The following ATXN7L1 variants were observed in gnomAD, a reference collection of about 807,000 sequenced individuals.
The protein encoded by ATXN7L1 is ataxin 7 like 1.
ATXN7L1 carries 15 observed loss-of-function variants against 70.8 expected under a neutral mutation model. The observed-to-expected ratio is 0.21, with a 90% CI of 0.14 to 0.33. The LOEUF (loss-of-function observed/expected upper bound fraction) is 0.33. Among genes scored for constraint, ATXN7L1 ranks in the 10% least tolerant of loss-of-function variants. The pLI, the probability that ATXN7L1 is intolerant of heterozygous loss-of-function variation, is 1.00. For synonymous variants in ATXN7L1, 440 were observed against 445.1 expected (o/e 0.99, Z 0.14); for missense variants, 975 against 1,097.1 (o/e 0.89, Z 1.57).
At chr7:105,653,467 CA>C (rs1373947649) in intron 4 of ATXN7L1, among the ~76,000 whole-genome samples, 4 of 152,044 alleles carry the variant, frequency 2.6e-5, no homozygotes, top group African/African-American at 9.7e-5. Context: ...AAAACAACAA[CA>C]ACCAAAAAAC....
intron 3 of ATXN7L1, among the ~76,000 whole-genome samples, chr7:105,773,498 T>C (rs1473961052): frequency 1.3e-5 from 2 of 152,174 alleles, no homozygotes; most frequent in Non-Finnish European, 2.9e-5. Flanking sequence ...ACAATTAATG[T>C]CATCCTGGAA....
intron 3 of ATXN7L1, among the ~76,000 whole-genome samples, chr7:105,700,022 G>C (rs1563017088): frequency 6.6e-6 from 1 of 152,162 alleles, no homozygotes; most frequent in South Asian, 2.1e-4. Flanking sequence ...GTGGAGCTGA[G>C]GAGCAGCGAC....
rs151140694 is a variant in ATXN7L1 at position 105,637,536 on chromosome 7, C to T, written c.1202+817G>A. Among the ~76,000 whole-genome samples the T allele has an allele frequency of 3.9e-5, 6 of 152,250 alleles. No homozygotes were observed. In the East Asian group the frequency reaches 1.2e-3, roughly 29 times the overall value. On this transcript the variant is annotated intron_variant, in intron 7 of 11. Coordinates refer to ENST00000419735, the MANE Select transcript of ATXN7L1 (RefSeq NM_020725.2). ...GGGTCTAGCTTCATTAATCTCTGTA[C>T]CCCTGCCTGAGAGTACCTAACATGG...
intron 3 of ATXN7L1, among the ~76,000 whole-genome samples, chr7:105,770,408 T>C (rs567650293): frequency 5.3e-5 from 8 of 152,248 alleles, no homozygotes; most frequent in Non-Finnish European, 1.0e-4. Flanking sequence ...ATCTTTTTCC[T>C]GGTTACTACT....
intron 2 of ATXN7L1, among the ~76,000 whole-genome samples, chr7:105,855,269 T>A (rs182980898): frequency 1.3e-5 from 2 of 152,336 alleles, no homozygotes; most frequent in African/African-American, 4.8e-5. Context: ...TTAGGCTTTG[T>A]CTCAACTACT....
chr7:105,865,495 G>A (rs1234122876), intron 2 of ATXN7L1, among the ~76,000 whole-genome samples: 3 of 151,588 alleles, frequency 2.0e-5, no homozygotes, highest in South Asian at 2.1e-4. Context: ...TCCGCCTCCC[G>A]GGTTCAAGTG....
chr7:105,696,049 A>T lies in ATXN7L1; in HGVS notation c.356-30761T>A, dbSNP rs531993689. 2.0e-5 allele frequency among the ~76,000 whole-genome samples: 3 copies of T among 152,320 alleles called. No homozygotes were observed. In the South Asian group the frequency reaches 6.2e-4, roughly 32 times the overall value. On this transcript the variant is annotated intron_variant, in intron 3 of 11. Transcript: ENST00000419735. ...GGAGCTGATGGTTAGGAAGTTACAG[A>T]ACGTTCTGCCACGCCCTTATAAATC...
intron 3 of ATXN7L1, among the ~76,000 whole-genome samples, chr7:105,771,298 T>C (rs1198228460): frequency 6.6e-6 from 1 of 151,904 alleles, no homozygotes. Context: ...GGACGATGTA[T>C]ATGCACAGTA....
At chr7:105,651,861 A>C (rs1019064206) in intron 4 of ATXN7L1, among the ~76,000 whole-genome samples, 1 of 152,172 alleles carries the variant, frequency 6.6e-6, no homozygotes. Flanking sequence ...TGCTGGTTCT[A>C]AGATGCCTCC....
chr7:105,709,109 G>T (rs1427481580), intron 3 of ATXN7L1, among the ~76,000 whole-genome samples: 1 of 152,188 alleles, frequency 6.6e-6, no homozygotes, highest in Non-Finnish European at 1.5e-5. Context: ...AAGGTGGGTG[G>T]ATCACCTGAG....
At position 105,656,602 on chromosome 7, in the gene ATXN7L1, G is replaced by A. The variant is rs149146806; in HGVS notation, c.578+8464C>T. Among the ~76,000 whole-genome samples, 1,176 of 142,678 alleles carry A rather than the reference G, an allele frequency of 8.2e-3. 23 individuals are homozygous for A. Among genetic ancestry groups the A allele is most frequent in the African/African-American group, 0.03 (1,116 of 36,974 alleles). 93.6% of individuals were successfully genotyped at this position (142,678 alleles called of 152,430 possible). Reference sequence around the variant, plus strand: ...TTTTTTTTTTTTTTGAGATAGTCTCGCTCTGTCACCCACACTGGAGTGCAG... The same window carrying A: ...TTTTTTTTTTTTTTGAGATAGTCTCACTCTGTCACCCACACTGGAGTGCAG... On this transcript the variant is annotated intron_variant, in intron 4 of 11. Transcript: ENST00000419735.
chr7:105,638,153 TA>T (rs1389640600), intron 7 of ATXN7L1, among the ~76,000 whole-genome samples, 199 bp downstream of exon 7: 1 of 152,208 alleles, frequency 6.6e-6, no homozygotes, highest in African/African-American at 2.4e-5. Context: ...ATGACAGCAG[TA>T]AAATCTGTTG....
At chr7:105,865,554 A>G (rs1817291440) in intron 2 of ATXN7L1, among the ~76,000 whole-genome samples, 1 of 152,082 alleles carries the variant, frequency 6.6e-6, no homozygotes, top group Admixed American at 6.6e-5. Flanking sequence ...GGCACGTGCC[A>G]CCATACCCAG....
chr7:105,628,601 AAC>A (rs1195101427), intron 7 of ATXN7L1, among the ~76,000 whole-genome samples: 1 of 151,754 alleles, frequency 6.6e-6, no homozygotes, highest in Non-Finnish European at 1.5e-5. Context: ...CATCCTGGCT[AAC>A]ACAGTGAAAC....
chr7:105,614,675 G>T lies in ATXN7L1; in HGVS notation c.1659C>A (p.Thr553=). The change falls in exon 10 of 12, where the codon ACC becomes ACA. Residue 553 remains threonine, a synonymous_variant. Coordinates refer to ENST00000419735, the MANE Select transcript of ATXN7L1 (RefSeq NM_020725.2). The surrounding 1 kb of genome is among the most constrained non-coding windows in gnomAD (Gnocchi z 4.3). The part of the protein sequence containing the change: ...LPSAPISSRL[T]SSYIMTSAML... The stretch of plus-strand genomic sequence containing the variant: ...TGGCTGATGTCATTATGTAAGAAGA[G>T]GTGAGCCTCGAGCTGATGGGAGCTG... The T allele has an allele frequency of 1.3e-6, 2 of 1,551,724 alleles. No individual in the cohort carries two copies. Among genetic ancestry groups the T allele is most frequent in the Non-Finnish European group, 1.7e-6 (2 of 1,147,014 alleles).
rs556048408 is a variant in ATXN7L1, at chr7:105,740,784, T to TTTTTTTTTTTTTTTTTG, written c.355+47819_355+47820insCAAAAAAAAAAAAAAAA. On this transcript the variant is annotated intron_variant, in intron 3 of 11. Coordinates refer to ENST00000419735, the MANE Select transcript of ATXN7L1 (RefSeq NM_020725.2). ...GGCTCCATTCATTTTTTTTTTTTTTTAATGGAGTCTCACTCTGTCGCCCAG... is the reference window on the plus strand; with the variant it reads ...GGCTCCATTCATTTTTTTTTTTTTTTTTTTTTTTTTTTTTTTGAATGGAGTCTCACTCTGTCGCCCAG... Among the ~76,000 whole-genome samples the TTTTTTTTTTTTTTTTTG allele has an allele frequency of 4.0e-3, 310 of 77,894 alleles. 91 individuals carry two copies. Among genetic ancestry groups the TTTTTTTTTTTTTTTTTG allele is most frequent in the African/African-American group, 0.017 (273 of 16,340 alleles). The allele number at this position is 77,894 out of a possible 152,430, so 51.1% of individuals were successfully genotyped here.
intron 3 of ATXN7L1, among the ~76,000 whole-genome samples, chr7:105,765,463 A>G (rs560870460): frequency 3.9e-5 from 6 of 152,326 alleles, no homozygotes; most frequent in South Asian, 4.1e-4. Context: ...TAGCAAACAC[A>G]TACAGTCTGC....
At chr7:105,850,629 G>A (rs914819778) in intron 2 of ATXN7L1, among the ~76,000 whole-genome samples, 4 of 152,222 alleles carry the variant, frequency 2.6e-5, no homozygotes, top group Non-Finnish European at 5.9e-5. Flanking sequence ...TGTGCCTCCT[G>A]AAGAACGAGC....
chr7:105,845,204 CAAAAAAA>C (rs3057532), intron 2 of ATXN7L1, among the ~76,000 whole-genome samples: 818 of 62,970 alleles, frequency 0.013, 13 homozygotes, highest in East Asian at 0.086. Flanking sequence ...AACTCTGTCT[CAAAAAAA>C]AAAAAAAAAA....
Sources: allele counts gnomAD v4.1 joint callset (sites outside exome capture counted in the v4.1 genomes callset), GRCh38; gene constraint gnomAD v4.1.1; non-coding constraint Gnocchi (gnomAD v3.1); transcripts MANE v1.5; gene names NCBI Gene and HGNC (gene_info 2026-07-23, HGNC 2026-07-21).